PIK3R3: variants seen among roughly 807,000 people sequenced by gnomAD.
The protein encoded by PIK3R3 is phosphoinositide-3-kinase regulatory subunit 3.
In PIK3R3, 64 loss-of-function variants were observed where a neutral mutation model predicts 62.9. The observed-to-expected ratio is 1.02, with a 90% CI of 0.83 to 1.25. The LOEUF (loss-of-function observed/expected upper bound fraction) is 1.25, where lower values mean the gene tolerates loss of function less well. Among genes scored for constraint, PIK3R3 ranks in the 50% most tolerant of loss-of-function variants. The pLI, the probability that PIK3R3 is intolerant of heterozygous loss-of-function variation, is 0.00. For synonymous variants in PIK3R3, 165 were observed against 189.0 expected (o/e 0.87, Z 1.04); for missense variants, 614 against 561.6 (o/e 1.09, Z -0.94).
intron 5 of PIK3R3, 25 bp from the exon 6 acceptor site, chr1:46,062,096 A>C: frequency 6.4e-7 from 1 of 1,569,222 alleles, no homozygotes; most frequent in East Asian, 2.2e-5. Context: ...AAGAAAAAAC[A>C]CAGGCTTCAT....
chr1:46,114,771 A>ATTTTTTTTTTTTT (rs60059325), intron 1 of PIK3R3, among the ~76,000 whole-genome samples: 1 of 99,302 alleles, frequency 1.0e-5, no homozygotes, highest in African/African-American at 4.1e-5. Flanking sequence ...AGCCTCACTA[A>ATTTTTTTTTTTTT]TTTTTTTTTT....
intron 1 of PIK3R3, among the ~76,000 whole-genome samples, chr1:46,122,359 G>A (rs990314395): frequency 1.3e-5 from 2 of 152,034 alleles, no homozygotes; most frequent in Admixed American, 1.3e-4. Flanking sequence ...CTAATACACT[G>A]TGAAAAACTT....
chr1:46,152,688 G>A, the PIK3R3 span, among the ~76,000 whole-genome samples: 1 of 150,400 alleles, frequency 6.6e-6, no homozygotes, highest in Non-Finnish European at 1.5e-5. Context: ...TCAGCCTCCC[G>A]AGTAGCTGGG....
intron 1 of PIK3R3, among the ~76,000 whole-genome samples, chr1:46,101,313 G>A (rs1557610262): frequency 6.6e-6 from 1 of 152,096 alleles, no homozygotes; most frequent in South Asian, 2.1e-4. Flanking sequence ...CACCAACATG[G>A]TGAAACCCCA....
At chr1:46,116,214 A>C (rs774594754) in intron 1 of PIK3R3, among the ~76,000 whole-genome samples, 1 of 152,108 alleles carries the variant, frequency 6.6e-6, no homozygotes, top group Non-Finnish European at 1.5e-5. Context: ...AGTTTTATCA[A>C]TAATAATGAA....
intron 1 of PIK3R3, 117 bp downstream of exon 1, chr1:46,131,730 C>T: frequency 1.2e-6 from 1 of 821,680 alleles, no homozygotes; most frequent in South Asian, 1.3e-5. Flanking sequence ...AACTGCAAAT[C>T]TCCTCATCCC....
At chr1:46,133,077 T>G, upstream of PIK3R3, 1 of 992,668 alleles carries the variant, frequency 1.0e-6, no homozygotes, top group South Asian at 3.9e-5. Context: ...GCCTTGCTCC[T>G]GCGAAGGAGC....
At chr1:46,146,321 G>A in the PIK3R3 span, among the ~76,000 whole-genome samples, 6 of 152,124 alleles carry the variant, frequency 3.9e-5, no homozygotes, top group African/African-American at 1.4e-4. Flanking sequence ...GCTATCAGTG[G>A]TAAATTATTT....
chr1:46,104,809 G>A, intron 1 of PIK3R3: 1 of 372,318 alleles, frequency 2.7e-6, no homozygotes, highest in Admixed American at 4.0e-5. Flanking sequence ...GCAAGCGCCT[G>A]TAATCCCAGC....
intron 1 of PIK3R3, among the ~76,000 whole-genome samples, chr1:46,119,751 G>C (rs1036079790): frequency 6.7e-6 from 1 of 149,976 alleles, no homozygotes; most frequent in Admixed American, 6.7e-5. Flanking sequence ...CTACAGGTAT[G>C]TGCCATTGTA....
chr1:46,059,612 C>T (rs573986119), intron 6 of PIK3R3, among the ~76,000 whole-genome samples: 2 of 152,022 alleles, frequency 1.3e-5, no homozygotes, highest in East Asian at 3.9e-4. Flanking sequence ...TCCAGGAGTT[C>T]AGGACCCCAT....
At chr1:46,070,675 A>G (rs140084594) in intron 3 of PIK3R3, among the ~76,000 whole-genome samples, 59 of 152,342 alleles carry the variant, frequency 3.9e-4, no homozygotes, top group African/African-American at 1.3e-3. Flanking sequence ...ATAGGGAAGG[A>G]CTAAGTGGAG....
intron 1 of PIK3R3, among the ~76,000 whole-genome samples, chr1:46,093,375 C>T (rs1651816602): frequency 6.6e-6 from 1 of 152,148 alleles, no homozygotes; most frequent in African/African-American, 2.4e-5. Context: ...AAAAGAAATA[C>T]TGTAAGGGAT....
chr1:46,058,949 C>T (rs1259967452), intron 6 of PIK3R3, among the ~76,000 whole-genome samples: 1 of 152,058 alleles, frequency 6.6e-6, no homozygotes, highest in African/African-American at 2.4e-5. Context: ...TGGCTGTGTC[C>T]CCACCCGAAT....
chr1:46,132,808 AC>A (rs1655748682), upstream of PIK3R3: 13 of 1,236,162 alleles, frequency 1.1e-5, no homozygotes, highest in Non-Finnish European at 1.4e-5. Context: ...GTGCCTGAGA[AC>A]ATGTTCAAAA....
intron 4 of PIK3R3, among the ~76,000 whole-genome samples, chr1:46,066,689 G>A (rs1389950226): frequency 2.0e-5 from 3 of 152,092 alleles, no homozygotes; most frequent in African/African-American, 7.2e-5. Context: ...TACCGGGGAG[G>A]CTGAGGCAGG....
At chr1:46,148,201 G>A in the PIK3R3 span, among the ~76,000 whole-genome samples, 1 of 152,160 alleles carries the variant, frequency 6.6e-6, no homozygotes, top group Non-Finnish European at 1.5e-5. Flanking sequence ...CTTCAGGCTC[G>A]AGTCTTCCAT....
chr1:46,133,619 T>A (rs983794193), upstream of PIK3R3, among the ~76,000 whole-genome samples: 1 of 152,204 alleles, frequency 6.6e-6, no homozygotes, highest in Non-Finnish European at 1.5e-5. Flanking sequence ...CCGTGGCCCC[T>A]GCAACCTTCC....
At chr1:46,123,157 T>C (rs1654824295) in intron 1 of PIK3R3, among the ~76,000 whole-genome samples, 1 of 152,188 alleles carries the variant, frequency 6.6e-6, no homozygotes, top group Non-Finnish European at 1.5e-5. Flanking sequence ...TGAATTATAT[T>C]CATGAAATAA....
Sources: gnomAD v4.1 joint callset for allele counts (sites outside exome capture counted in the v4.1 genomes callset) on GRCh38, gnomAD v4.1.1 for gene constraint, MANE v1.5 for transcripts, NCBI Gene and HGNC (gene_info 2026-07-23, HGNC 2026-07-21) for gene names.